Variants in CYREN observed in about 807,000 individuals in gnomAD.
CYREN encodes cell cycle regulator of non-homologous end joining.
Under a neutral mutation model 9.7 loss-of-function variants are expected in CYREN, and 7 were observed. The ratio of observed to expected loss-of-function variants is 0.72; its 90% CI spans 0.41 to 1.36. CYREN has a LOEUF of 1.36. Ranked by LOEUF, CYREN falls within the 40% of genes most tolerant of loss-of-function variation. The pLI, the probability that CYREN is intolerant of heterozygous loss-of-function variation, is 0.01. For synonymous variants in CYREN, 76 were observed against 77.9 expected (o/e 0.98, Z 0.13); for missense variants, 215 against 198.1 (o/e 1.09, Z -0.51).
intron 2 of CYREN, among the ~76,000 whole-genome samples, chr7:135,118,803 CAG>C (rs199805169): frequency 3.3e-5 from 5 of 151,164 alleles, no homozygotes; most frequent in Admixed American, 6.6e-5. Context: ...ATAGCCTCAG[CAG>C]AGAGAGAGAG....
At chr7:135,123,491 T>C (rs112827104) in intron 2 of CYREN, among the ~76,000 whole-genome samples, 7 of 152,316 alleles carry the variant, frequency 4.6e-5, no homozygotes, top group African/African-American at 9.6e-5. Context: ...CCAGGAGAAC[T>C]TCTCCAACCT....
intron 2 of CYREN, among the ~76,000 whole-genome samples, chr7:135,156,743 G>A (rs1829803440): frequency 6.6e-6 from 1 of 152,086 alleles, no homozygotes; most frequent in Admixed American, 6.5e-5. Flanking sequence ...TGCTGCTGCT[G>A]GACAGCTGTT....
intron 2 of CYREN, among the ~76,000 whole-genome samples, chr7:135,113,593 T>C (rs1825930511): frequency 6.6e-6 from 1 of 152,222 alleles, no homozygotes; most frequent in Non-Finnish European, 1.5e-5. Context: ...TTTTTAAATG[T>C]CTGACTACTA....
At chr7:135,169,110 GCA>G (rs1180982089) in intron 1 of CYREN, 50 bp from the exon 2 acceptor site, 4 of 593,834 alleles carry the variant, frequency 6.7e-6, no homozygotes, top group Non-Finnish European at 1.2e-5. Flanking sequence ...CAGTCATCAG[GCA>G]CAGTTACTGG....
upstream of CYREN, among the ~76,000 whole-genome samples, chr7:135,171,997 C>G (rs1324391262): frequency 6.6e-6 from 1 of 152,254 alleles, no homozygotes; most frequent in East Asian, 1.9e-4. Context: ...GAACTTGCCC[C>G]ACTCCATGTG....
At chr7:135,146,156 T>C (rs1239402259) in intron 2 of CYREN, among the ~76,000 whole-genome samples, 3 of 152,196 alleles carry the variant, frequency 2.0e-5, no homozygotes, top group Non-Finnish European at 2.9e-5. Context: ...TTCAGTATTA[T>C]TGTGTCTCAG....
At chr7:135,158,786 A>G (rs1829857655) in intron 2 of CYREN, among the ~76,000 whole-genome samples, 1 of 152,216 alleles carries the variant, frequency 6.6e-6, no homozygotes, top group Non-Finnish European at 1.5e-5. Flanking sequence ...CCAGGGGTGC[A>G]TGGGAGCACC....
chr7:135,134,967 C>T (rs1010635774), intron 2 of CYREN: 2 of 1,550,986 alleles, frequency 1.3e-6, no homozygotes, highest in African/African-American at 2.7e-5. Flanking sequence ...AGTCTAAGCC[C>T]CACAGGTCAT....
chr7:135,140,297 C>T (rs183411214), intron 2 of CYREN, among the ~76,000 whole-genome samples: 14 of 151,934 alleles, frequency 9.2e-5, no homozygotes, highest in Admixed American at 2.0e-4. Flanking sequence ...TAGTTGTATT[C>T]GTAGGTATTT....
intron 2 of CYREN, among the ~76,000 whole-genome samples, chr7:135,125,191 A>G (rs574708617): frequency 6.6e-6 from 1 of 152,256 alleles, no homozygotes; most frequent in African/African-American, 2.4e-5. Context: ...TCAAATAGAC[A>G]CAATAAAAAT....
At chr7:135,138,726 C>T (rs774671913) in intron 2 of CYREN, among the ~76,000 whole-genome samples, 21 of 151,950 alleles carry the variant, frequency 1.4e-4, no homozygotes, top group Middle Eastern at 6.8e-3. Flanking sequence ...GGTAGATTTT[C>T]GATCCTCACC....
rs1177148349 is a variant in CYREN, at chr7:135,151,706, C to A, written n.356+17043G>T. Among the ~76,000 whole-genome samples the A allele has an allele frequency of 1.3e-5, 2 of 152,174 alleles. No individual in the cohort carries two copies. Among genetic ancestry groups the A allele is most frequent in the African/African-American group, 4.8e-5 (2 of 41,436 alleles). On this transcript the variant is annotated intron_variant and non_coding_transcript_variant, in intron 2 of 2. Coordinates refer to the CYREN transcript ENST00000459937. The surrounding 1 kb of genome is among the most constrained non-coding windows in gnomAD (Gnocchi z 4.3). ...AACTTCCTTCAGTCTCACAACAGCC[C>A]ATGAGGAACGTGACAACTGATGCAT...
At chr7:135,150,658 A>C (rs1254173110) in intron 2 of CYREN, among the ~76,000 whole-genome samples, 1 of 152,196 alleles carries the variant, frequency 6.6e-6, no homozygotes, top group Non-Finnish European at 1.5e-5. Flanking sequence ...CTGATTCTCA[A>C]ACTCTGAATC....
At chr7:135,142,669 T>C (rs1051385445) in intron 2 of CYREN, among the ~76,000 whole-genome samples, 5 of 152,156 alleles carry the variant, frequency 3.3e-5, no homozygotes, top group Non-Finnish European at 7.4e-5. Flanking sequence ...AATTGCCTCC[T>C]TATATGCCAG....
downstream of CYREN, chr7:135,165,318 G>A: frequency 3.8e-6 from 1 of 261,566 alleles, no homozygotes; most frequent in Non-Finnish European, 7.8e-6. Context: ...TCAGGAGGGT[G>A]GGGAGGGAGT....
At chr7:135,137,767 T>C (rs890359802) in intron 2 of CYREN, among the ~76,000 whole-genome samples, 5 of 151,940 alleles carry the variant, frequency 3.3e-5, no homozygotes, top group African/African-American at 7.2e-5. Flanking sequence ...AATGAAACAA[T>C]AGAAATTTAT....
At chr7:135,147,685 T>C (rs1829573921) in intron 2 of CYREN, 1 of 439,650 alleles carries the variant, frequency 2.3e-6, no homozygotes, top group South Asian at 1.6e-5. Flanking sequence ...ACAGACGGCA[T>C]AGCTGCTTCC....
At chr7:135,140,433 A>G (rs1262586785) in intron 2 of CYREN, among the ~76,000 whole-genome samples, 2 of 152,134 alleles carry the variant, frequency 1.3e-5, no homozygotes, top group East Asian at 3.8e-4. Context: ...ACTTTGCTGA[A>G]GTTGCTTAGC....
chr7:135,164,525 G>A (rs1830033290), downstream of CYREN: 7 of 1,614,146 alleles, frequency 4.3e-6, no homozygotes, highest in African/African-American at 2.7e-5. Context: ...TCTGCCTGAT[G>A]TTTTACGCTC....
Sources: allele counts gnomAD v4.1 joint callset (sites outside exome capture counted in the v4.1 genomes callset), GRCh38; gene constraint gnomAD v4.1.1; non-coding constraint Gnocchi (gnomAD v3.1); transcripts MANE v1.5; gene names NCBI Gene and HGNC (gene_info 2026-07-23, HGNC 2026-07-21).